GPC3: variants seen among roughly 807,000 people sequenced by gnomAD.
GPC3 encodes glypican 3, also known as glypican-3.
Under a neutral mutation model 34.4 loss-of-function variants are expected in GPC3, and 3 were observed. The ratio of observed to expected loss-of-function variants is 0.09; its 90% CI spans 0.04 to 0.23. GPC3 has a LOEUF of 0.23. Ranked by LOEUF, GPC3 falls within the 10% of genes least tolerant of loss-of-function variation. GPC3 has a pLI of 1.00. For missense variants in GPC3, 351 were observed against 445.6 expected, an observed-to-expected ratio of 0.79 and a Z score of 1.91; for synonymous variants, 177 against 174.0, an observed-to-expected ratio of 1.02 and a Z score of -0.13.
At chrX:133,763,765 AAAC>A (rs759169005) in intron 2 of GPC3, 11 of 447,485 alleles carry the variant, frequency 2.5e-5, no homozygotes, top group Non-Finnish European at 4.0e-5. Flanking sequence ...AAAAGTCAAA[AAAC>A]AACAGATGTT....
chrX:133,705,118 G>T (rs1443181586), intron 3 of GPC3, among the ~76,000 whole-genome samples: 2 of 112,103 alleles, frequency 1.8e-5, no homozygotes, highest in Non-Finnish European at 3.8e-5. Flanking sequence ...GTGCTTCACA[G>T]ATAACTTCTA....
chrX:133,678,200 C>T (rs1345372063), intron 5 of GPC3, among the ~76,000 whole-genome samples: 1 of 111,944 alleles, frequency 8.9e-6, no homozygotes, highest in East Asian at 2.8e-4. Context: ...AACTGCCTAG[C>T]ATATTGTGTG....
intron 3 of GPC3, among the ~76,000 whole-genome samples, chrX:133,717,975 A>G (rs1264576095): frequency 1.8e-5 from 2 of 111,402 alleles, no homozygotes; most frequent in African/African-American, 6.5e-5. Flanking sequence ...AATTCACACA[A>G]AGAAATAAGG....
chrX:133,768,593 T>C (rs1267549308), intron 2 of GPC3, among the ~76,000 whole-genome samples: 1 of 111,478 alleles, frequency 9.0e-6, no homozygotes, highest in African/African-American at 3.3e-5. Flanking sequence ...TTATTCATAA[T>C]AGCCAAGACA....
intron 7 of GPC3, among the ~76,000 whole-genome samples, chrX:133,556,886 C>G (rs1203051106): frequency 9.4e-6 from 1 of 106,109 alleles, no homozygotes; most frequent in Admixed American, 1.0e-4. Flanking sequence ...CAAACCTGCA[C>G]GTTGTACACA....
chrX:133,803,923 T>C (rs950832174), intron 2 of GPC3, among the ~76,000 whole-genome samples: 3 of 109,032 alleles, frequency 2.8e-5, no homozygotes, highest in Non-Finnish European at 5.7e-5. Context: ...TTATTATTAT[T>C]TATGTGACTT....
At chrX:133,788,124 G>A (rs865858157) in intron 2 of GPC3, among the ~76,000 whole-genome samples, 1,106 of 46,807 alleles carry the variant, frequency 0.024, 26 homozygotes, top group African/African-American at 0.1. Context: ...ATATATATAT[G>A]TATGTATATA....
At chrX:133,908,517 A>C (rs955533009) in intron 2 of GPC3, among the ~76,000 whole-genome samples, 4 of 111,791 alleles carry the variant, frequency 3.6e-5, no homozygotes, top group African/African-American at 1.3e-4. Context: ...GAAGGGTCTA[A>C]ACCGAGGCTT....
At chrX:133,855,792 G>C (rs1234818003) in intron 2 of GPC3, among the ~76,000 whole-genome samples, 1 of 110,091 alleles carries the variant, frequency 9.1e-6, no homozygotes, top group Non-Finnish European at 1.9e-5. Context: ...CTCCAATTCT[G>C]GTAACGACTG....
At chrX:133,885,186 C>T (rs1225563162) in intron 2 of GPC3, among the ~76,000 whole-genome samples, 3 of 111,853 alleles carry the variant, frequency 2.7e-5, no homozygotes, top group Non-Finnish European at 5.6e-5. Flanking sequence ...TGGTAATTTT[C>T]GTAATGCTTA....
intron 2 of GPC3, among the ~76,000 whole-genome samples, chrX:133,849,084 C>CTTTTTTTT (rs60339728): frequency 6.5e-5 from 3 of 46,273 alleles, no homozygotes; most frequent in Admixed American, 2.3e-4. Flanking sequence ...ACTAAAGTTT[C>CTTTTTTTT]TTTTTTTTTT....
chrX:133,560,754 C>A (rs771394572), intron 7 of GPC3, among the ~76,000 whole-genome samples: 37 of 104,517 alleles, frequency 3.5e-4, no homozygotes, highest in Non-Finnish European at 7.1e-4. Context: ...AAAAAAAAGT[C>A]CCTATTTCTT....
At chrX:133,821,254 C>A (rs1458657988) in intron 2 of GPC3, among the ~76,000 whole-genome samples, 1 of 112,010 alleles carries the variant, frequency 8.9e-6, no homozygotes, top group African/African-American at 3.2e-5. Flanking sequence ...CATATGCACT[C>A]CATTGACTAA....
At chrX:133,927,307 T>C (rs1196880450) in intron 2 of GPC3, among the ~76,000 whole-genome samples, 1 of 110,125 alleles carries the variant, frequency 9.1e-6, no homozygotes, top group East Asian at 2.8e-4. Flanking sequence ...ATAGTATATA[T>C]GGTATGACCC....
chrX:133,639,738 C>A (rs1175116375), intron 6 of GPC3, among the ~76,000 whole-genome samples: 1 of 111,619 alleles, frequency 9.0e-6, no homozygotes, highest in Non-Finnish European at 1.9e-5. Flanking sequence ...AGCCACGGAA[C>A]ATTTTGCAGA....
intron 2 of GPC3, among the ~76,000 whole-genome samples, chrX:133,788,296 A>C (rs1167076218): frequency 4.7e-5 from 5 of 107,315 alleles, no homozygotes; most frequent in Non-Finnish European, 9.6e-5. Flanking sequence ...GAAAAGACCT[A>C]GAAGGTGGAG....
chrX:133,707,996 G>A (rs1000078963), intron 3 of GPC3, among the ~76,000 whole-genome samples: 1 of 111,519 alleles, frequency 9.0e-6, no homozygotes, highest in Non-Finnish European at 1.9e-5. Context: ...GGATTAGATT[G>A]ATAACAGAAA....
chrX:133,580,438 C>T (rs2069722551), intron 7 of GPC3, among the ~76,000 whole-genome samples: 1 of 112,022 alleles, frequency 8.9e-6, no homozygotes, highest in African/African-American at 3.2e-5. Flanking sequence ...AAATATCCAT[C>T]TTCTTTGTTC....
chrX:133,940,123 A>G (rs2076339207), intron 2 of GPC3, among the ~76,000 whole-genome samples: 1 of 111,440 alleles, frequency 9.0e-6, no homozygotes, highest in Non-Finnish European at 1.9e-5. Context: ...CCACCCTGCC[A>G]TAGAATACTC....
Sources: allele counts gnomAD v4.1 joint callset (sites outside exome capture counted in the v4.1 genomes callset), GRCh38; gene constraint gnomAD v4.1.1; transcripts MANE v1.5; gene names NCBI Gene and HGNC (gene_info 2026-07-23, HGNC 2026-07-21).